EHMT1: variants seen among roughly 807,000 people sequenced by gnomAD.
EHMT1 encodes the protein euchromatic histone lysine methyltransferase 1.
Under a neutral mutation model 147.2 loss-of-function variants are expected in EHMT1, and 15 were observed. The ratio of observed to expected loss-of-function variants is 0.10; its 90% CI spans 0.07 to 0.16. The LOEUF (loss-of-function observed/expected upper bound fraction) is 0.16. Ranked by LOEUF, EHMT1 falls within the 10% of genes least tolerant of loss-of-function variation. The probability of loss-of-function intolerance (pLI) is 1.00; values close to 1 mark genes in which losing one functional copy is unlikely to be tolerated. For missense variants in EHMT1, 1,587 were observed against 1,772.4 expected (o/e 0.90, Z 1.88); for synonymous variants, 795 against 709.6 (o/e 1.12, Z -1.91).
rs369562168 is a variant in EHMT1, at chr9:137,716,850, G to A, written c.310G>A (p.Ala104Thr). ...GGTTTCAGAAAGAGACTCAGAAGCG[G>A]CGAAGCAAAACCACGTCACTGCCGA... ...NGVSERDSEA[A>T]KQNHVTADDF... The change falls in exon 3 of 27, where the codon GCG becomes ACG. Residue 104 changes from alanine to threonine, a missense_variant. Physicochemically the swap from Ala to Thr is moderately conservative, Grantham distance 58. This residue lies in a region of EHMT1 where 810 missense variants were observed against 673.0 expected (regional missense o/e 1.20). Coordinates refer to ENST00000460843, the MANE Select transcript of EHMT1 (RefSeq NM_024757.5). 1 of 1,613,298 alleles carries A rather than the reference G, an allele frequency of 6.2e-7. No individual in the cohort carries two copies. Among genetic ancestry groups the A allele is most frequent in the African/African-American group, 1.3e-5 (1 of 75,014 alleles).
At chr9:137,817,189 C>T (rs538573095) in intron 23 of EHMT1, 3 of 571,572 alleles carry the variant, frequency 5.2e-6, no homozygotes, top group Middle Eastern at 9.0e-4. Context: ...GATGGGGACA[C>T]CGAGCCACGG....
chr9:137,813,100 G>A lies in EHMT1; in HGVS notation c.2962G>A (p.Ala988Thr), dbSNP rs565543981. The A allele has an allele frequency of 6.3e-5, 101 of 1,613,478 alleles. 1 individual carries two copies. In the African/African-American group the frequency reaches 6.9e-4, roughly 11 times the overall value. The stretch of plus-strand genomic sequence containing the variant: ...GAGCCTCAACTCTCAGGTGTGGAGC[G>A]CTCTGCAGATGAGCAAGGCTCTGCA... ...CASLNSQVWS[A>T]LQMSKALQDS... Residue 988 changes from alanine (A) to threonine (T), a missense_variant, in exon 20 of 27, where the codon GCT becomes ACT. Physicochemically the swap from Ala to Thr is moderately conservative, Grantham distance 58 (BLOSUM62 0). Transcript: ENST00000460843. The surrounding 1 kb of genome is among the most constrained non-coding windows in gnomAD (Gnocchi z 4.9).
Position 137,729,190 on chromosome 9 carries a change from T to C in EHMT1, c.823+661T>C, listed in dbSNP as rs559543473. ...GGCCCTTCCTGCCAGCCCTCGTGAA[T>C]GCTGGGAGGTCAGCCGGCCCTCGTG... On this transcript the variant is annotated intron_variant, in intron 4 of 26. Coordinates refer to ENST00000460843, the MANE Select transcript of EHMT1 (RefSeq NM_024757.5). 6.0e-4 allele frequency among the ~76,000 whole-genome samples: 92 copies of C among 152,274 alleles called. 1 individual carries two copies. Among genetic ancestry groups the C allele is most frequent in the African/African-American group, 1.6e-3 (66 of 41,576 alleles).
chr9:137,694,700 G>T (rs555989284), intron 1 of EHMT1, among the ~76,000 whole-genome samples: 1 of 152,348 alleles, frequency 6.6e-6, no homozygotes, highest in Non-Finnish European at 1.5e-5. Context: ...CCCAACCATG[G>T]TGGAGACGCG....
rs1438219525 is a variant in EHMT1 at position 137,835,977 on chromosome 9, T to G, written c.*1024T>G. On this transcript the variant is annotated 3_prime_UTR_variant, in exon 27 of 27. Transcript: ENST00000460843. ...TAGTGCAGTAACAGTGGGGTTTTTT[T>G]TGTGCAACTCTTCTAAAAACATTCA... The G allele has an allele frequency of 1.3e-5, 2 of 152,632 alleles. No individual in the cohort carries two copies. The highest frequency in any genetic ancestry group is 1.3e-4 in the Admixed American group (2 of 15,286). The allele number at this position is 152,632 out of a possible 1,614,324, so 9.5% of individuals were successfully genotyped here. A position where few individuals can be genotyped will look rare whatever the true frequency, so the allele number is the denominator to read the frequency against.
chr9:137,688,607 A>C (rs1164946874), intron 1 of EHMT1, among the ~76,000 whole-genome samples: 2 of 152,256 alleles, frequency 1.3e-5, no homozygotes, highest in Non-Finnish European at 2.9e-5. Flanking sequence ...TGTACTGTCT[A>C]AATGAGATTT....
intron 18 of EHMT1, among the ~76,000 whole-genome samples, chr9:137,806,099 A>C (rs1044396345): frequency 1.3e-5 from 2 of 151,708 alleles, no homozygotes; most frequent in Admixed American, 6.6e-5. Context: ...AGCTGGGATT[A>C]CAGGCACATG....
chr9:137,753,185 A>G (rs535506776), intron 7 of EHMT1, among the ~76,000 whole-genome samples: 1 of 152,192 alleles, frequency 6.6e-6, no homozygotes, highest in East Asian at 1.9e-4. Flanking sequence ...TTTGGGTCAC[A>G]TGAATTGGGA....
At chr9:137,823,300 G>A (rs1296164066) in intron 25 of EHMT1, among the ~76,000 whole-genome samples, 31 of 151,292 alleles carry the variant, frequency 2.0e-4, no homozygotes, top group African/African-American at 5.8e-4. Flanking sequence ...GGGTTTCACC[G>A]TGTTAGCCAG....
intron 6 of EHMT1, among the ~76,000 whole-genome samples, chr9:137,748,505 C>T (rs937014075): frequency 3.3e-5 from 5 of 152,098 alleles, no homozygotes; most frequent in East Asian, 1.9e-4. Flanking sequence ...CCACTGGGAA[C>T]GGAACCGCCA....
Position 137,775,403 on chromosome 9 carries a change from G to A in EHMT1, c.1791+151G>A. ...GTCTGGAGGTCTCCAGTGTTCACAAGCCCCTCACCACCCCTGTCGAGCCCC... is the reference window on the plus strand; with the variant it reads ...GTCTGGAGGTCTCCAGTGTTCACAAACCCCTCACCACCCCTGTCGAGCCCC... On this transcript the variant is annotated intron_variant, in intron 11 of 26. Coordinates refer to ENST00000460843, the MANE Select transcript of EHMT1 (RefSeq NM_024757.5). The surrounding 1 kb of genome is among the most constrained non-coding windows in gnomAD (Gnocchi z 6.1). 8.5e-7 allele frequency: 1 copy of A among 1,177,820 alleles called. No individual in the cohort carries two copies. Among genetic ancestry groups the A allele is most frequent in the East Asian group, 2.6e-5 (1 of 38,692 alleles). The allele number at this position is 1,177,820 out of a possible 1,614,324, so 73.0% of individuals were successfully genotyped here.
At chr9:137,685,886 T>TC (rs1942382214) in intron 1 of EHMT1, among the ~76,000 whole-genome samples, 1 of 152,254 alleles carries the variant, frequency 6.6e-6, no homozygotes. Flanking sequence ...AAATGTTTAT[T>TC]CAGATCTTTT....
intron 4 of EHMT1, 53 bp downstream of exon 4, chr9:137,728,582 GC>G: frequency 2.5e-6 from 4 of 1,611,498 alleles, no homozygotes; most frequent in Non-Finnish European, 8.5e-7. Context: ...TTTCGAGCCT[GC>G]CCCTTGCCAG....
intron 3 of EHMT1, 73 bp downstream of exon 3, chr9:137,717,255 G>A (rs1564631209): frequency 5.1e-6 from 8 of 1,556,716 alleles, no homozygotes; most frequent in South Asian, 1.1e-5. Context: ...ATGGACTTTG[G>A]TGCATTGAGG....
chr9:137,788,528 A>T (rs1431624918), intron 15 of EHMT1: 1 of 156,284 alleles, frequency 6.4e-6, no homozygotes, highest in African/African-American at 2.4e-5. Flanking sequence ...AGGTGCAGGG[A>T]TCTTGTAGGT....
intron 1 of EHMT1, chr9:137,676,009 C>G (rs1392902219): frequency 6.6e-6 from 1 of 151,330 alleles, no homozygotes; most frequent in Non-Finnish European, 1.5e-5. Context: ...TGGTCTCGAT[C>G]TCCTGACCTC....
intron 18 of EHMT1, among the ~76,000 whole-genome samples, chr9:137,810,660 A>C (rs756478138): frequency 5.3e-5 from 8 of 150,596 alleles, no homozygotes; most frequent in African/African-American, 1.5e-4. Context: ...TCCAAATTTT[A>C]TTTGTTTTAT....
At chr9:137,655,226 A>G (rs1013969085) in intron 1 of EHMT1, among the ~76,000 whole-genome samples, 1 of 151,998 alleles carries the variant, frequency 6.6e-6, no homozygotes, top group African/African-American at 2.4e-5. Context: ...TTTTTCGGCC[A>G]GGCTGGTCTC....
At chr9:137,739,153 C>T (rs1463359601) in intron 4 of EHMT1, among the ~76,000 whole-genome samples, 1 of 150,772 alleles carries the variant, frequency 6.6e-6, no homozygotes, top group African/African-American at 2.4e-5. Flanking sequence ...AGGCAGATCA[C>T]AAGGTCAGGA....
Sources: allele counts gnomAD v4.1 joint callset (sites outside exome capture counted in the v4.1 genomes callset), GRCh38; gene constraint gnomAD v4.1.1; regional missense constraint gnomAD v4.1.1; non-coding constraint Gnocchi (gnomAD v3.1); transcripts MANE v1.5; gene names NCBI Gene and HGNC (gene_info 2026-07-23, HGNC 2026-07-21).